GAB4: variants seen among roughly 807,000 people sequenced by gnomAD.
GAB4 encodes GRB2 associated binding protein family member 4, also known as GRB2-associated-binding protein 4.
GAB4 carries 26 observed loss-of-function variants against 51.3 expected under a neutral mutation model. That is an observed-to-expected ratio of 0.51 (90% CI 0.37 to 0.70). GAB4 has a LOEUF of 0.70. GAB4 is among the 30% of genes least tolerant of loss of function. The pLI is 0.00. For synonymous variants in GAB4, 329 were observed against 291.2 expected (o/e 1.13, Z -1.32); for missense variants, 759 against 734.6 (o/e 1.03, Z -0.38).
chr22:17,002,863 G>GC (rs766699831), intron 1 of GAB4, among the ~76,000 whole-genome samples: 1 of 152,072 alleles, frequency 6.6e-6, no homozygotes, highest in Non-Finnish European at 1.5e-5. Context: ...TGGGCTAAAT[G>GC]CCCCAATTAA....
intron 3 of GAB4, among the ~76,000 whole-genome samples, chr22:16,970,915 G>A (rs1027877890): frequency 3.3e-5 from 5 of 152,156 alleles, no homozygotes; most frequent in South Asian, 2.1e-4. Context: ...AAGGTTTGAA[G>A]CCAGGCACGG....
At chr22:16,992,235 G>C in intron 1 of GAB4, 59 bp from the exon 2 acceptor site, 1 of 1,451,876 alleles carries the variant, frequency 6.9e-7, no homozygotes, top group Non-Finnish European at 9.4e-7. Flanking sequence ...CTTTTAACAG[G>C]TCTGAGACAT....
At chr22:16,987,582 T>A (rs375508854) in intron 3 of GAB4, among the ~76,000 whole-genome samples, 2 of 152,264 alleles carry the variant, frequency 1.3e-5, no homozygotes, top group South Asian at 4.1e-4. Flanking sequence ...TCAACTGAGC[T>A]ATGGATCTGG....
At chr22:16,968,001 G>A (rs1374341656) in intron 5 of GAB4, among the ~76,000 whole-genome samples, 1 of 152,120 alleles carries the variant, frequency 6.6e-6, no homozygotes, top group Non-Finnish European at 1.5e-5. Context: ...GGGACCTCAT[G>A]GGTTAGAGCA....
chr22:16,998,470 G>A (rs936685569), intron 1 of GAB4, among the ~76,000 whole-genome samples: 8 of 152,188 alleles, frequency 5.3e-5, no homozygotes, highest in African/African-American at 1.9e-4. Context: ...GTAGAGGAAT[G>A]CTTGTGATTT....
chr22:16,966,498 C>T (rs1247362890), intron 5 of GAB4, 134 bp from the exon 6 acceptor site: 19 of 898,262 alleles, frequency 2.1e-5, no homozygotes, highest in Non-Finnish European at 2.8e-5. Flanking sequence ...TGGCTGGGGG[C>T]TGCTGTCTTC....
chr22:16,993,979 G>A (rs184433590), intron 1 of GAB4, among the ~76,000 whole-genome samples: 33 of 151,966 alleles, frequency 2.2e-4, no homozygotes, highest in Admixed American at 1.4e-3. Context: ...ACACCCTCTC[G>A]CTCACAAACG....
In GAB4 at chr22:16,970,105, T is replaced by C. The variant is rs1311563327; in HGVS notation, c.775A>G (p.Ser259Gly). ...ATGTGACCGCTGACCCCATCAACAC[T>C]GTATCCACTGTGCTGGGCAAGATTT... The part of the protein sequence containing the change: ...MQNLAQHSGY[S>G]VDGVSGHIHG... Residue 259 changes from serine (S) to glycine (G), a missense_variant, in exon 4 of 10, where the codon AGT becomes GGT. Transcript: ENST00000400588. 2.5e-6 allele frequency: 4 copies of C among 1,614,136 alleles called. No individual in the cohort carries two copies. The highest frequency in any genetic ancestry group is 2.2e-5 in the East Asian group (1 of 44,880).
chr22:16,973,792 T>C (rs1252861513), intron 3 of GAB4, among the ~76,000 whole-genome samples: 5 of 152,018 alleles, frequency 3.3e-5, no homozygotes, highest in Non-Finnish European at 5.9e-5. Flanking sequence ...CCCTGTGCTC[T>C]TCCTCCCTGT....
intron 1 of GAB4, 96 bp downstream of exon 1, chr22:17,007,845 C>T: frequency 8.4e-7 from 1 of 1,186,338 alleles, no homozygotes; most frequent in Non-Finnish European, 1.2e-6. Flanking sequence ...CCACCCGCAG[C>T]TCCTCCCGTG....
At chr22:17,004,131 C>T (rs2061020075) in intron 1 of GAB4, among the ~76,000 whole-genome samples, 1 of 152,090 alleles carries the variant, frequency 6.6e-6, no homozygotes, top group Non-Finnish European at 1.5e-5. Context: ...AGGAAGAAGT[C>T]AAATCTCTGA....
intron 9 of GAB4, among the ~76,000 whole-genome samples, chr22:16,963,291 G>C (rs532710795): frequency 6.6e-6 from 1 of 152,280 alleles, no homozygotes; most frequent in African/African-American, 2.4e-5. Context: ...CTGCTGTCTA[G>C]ACAGGCTGGC....
intron 1 of GAB4, among the ~76,000 whole-genome samples, chr22:17,006,678 A>G (rs1386778162): frequency 2.0e-5 from 3 of 152,250 alleles, no homozygotes; most frequent in African/African-American, 7.2e-5. Flanking sequence ...ATGCAGCCAT[A>G]AAAAAGAATG....
intron 3 of GAB4, among the ~76,000 whole-genome samples, chr22:16,982,628 T>A: frequency 6.6e-6 from 1 of 152,198 alleles, no homozygotes; most frequent in East Asian, 1.9e-4. Context: ...ACATTCAGTA[T>A]TCTCTACAGA....
At chr22:16,981,158 AAAAT>A (rs2060824414) in intron 3 of GAB4, among the ~76,000 whole-genome samples, 1 of 151,282 alleles carries the variant, frequency 6.6e-6, no homozygotes, top group Admixed American at 6.6e-5. Context: ...AAGTATAATA[AAAAT>A]AAATAAATAA....
chr22:17,003,902 TTAGA>T (rs2061018229), intron 1 of GAB4, among the ~76,000 whole-genome samples: 2 of 151,254 alleles, frequency 1.3e-5, no homozygotes, highest in Non-Finnish European at 3.0e-5. Flanking sequence ...TTTTAAAAAA[TTAGA>T]TAGACCGCTA....
intron 3 of GAB4, among the ~76,000 whole-genome samples, chr22:16,986,550 G>A (rs1465509677): frequency 6.6e-6 from 1 of 152,162 alleles, no homozygotes; most frequent in African/African-American, 2.4e-5. Context: ...GGAAGTTGAA[G>A]GTCAAAGAGG....
In GAB4 at chr22:16,968,366, T is replaced by G. The variant is rs770495769; in HGVS notation, c.955A>C (p.Thr319Pro). Reference sequence around the variant, plus strand: ...CTGGCATTCCCTCCACCATGCTGGGTGTACTTGCCGGAGGAAGCTACGACA... The same window carrying G: ...CTGGCATTCCCTCCACCATGCTGGGGGTACTTGCCGGAGGAAGCTACGACA... Reference protein sequence around the residue: ...ADNEASSGKYTQHGGGNASRP... With the variant: ...ADNEASSGKYPQHGGGNASRP... The change falls in exon 5 of 10, where the codon ACC becomes CCC. Residue 319 changes from threonine (T) to proline (P), a missense_variant. Physicochemically the swap from Thr to Pro is conservative, Grantham distance 38. Coordinates refer to ENST00000400588, the MANE Select transcript of GAB4 (RefSeq NM_001037814.1). 2 of 1,613,954 alleles carry G rather than the reference T, an allele frequency of 1.2e-6. No homozygotes were observed. Among genetic ancestry groups the G allele is most frequent in the South Asian group, 2.2e-5 (2 of 91,072 alleles).
chr22:16,998,553 G>A (rs868648731), intron 1 of GAB4, among the ~76,000 whole-genome samples: 4 of 152,156 alleles, frequency 2.6e-5, no homozygotes, highest in South Asian at 2.1e-4. Context: ...GGGCTGAGAC[G>A]ATGGGGTTTT....
Sources: allele counts gnomAD v4.1 joint callset (sites outside exome capture counted in the v4.1 genomes callset), GRCh38; gene constraint gnomAD v4.1.1; transcripts MANE v1.5; gene names NCBI Gene and HGNC (gene_info 2026-07-23, HGNC 2026-07-21).